Variants in PCED1B observed in about 807,000 individuals in gnomAD.
The protein encoded by PCED1B is PC-esterase domain-containing protein 1B.
For missense variants in PCED1B, 573 were observed against 573.9 expected (o/e 1.00, Z 0.02); for synonymous variants, 251 against 246.1 (o/e 1.02, Z -0.19).
chr12:47,220,085 A>AGAAGAAGAAG (rs1235754736), intron 3 of PCED1B, among the ~76,000 whole-genome samples: 1 of 138,002 alleles, frequency 7.2e-6, no homozygotes, highest in Admixed American at 7.3e-5. Context: ...AAAAAAAAAA[A>AGAAGAAGAAG]AAAAAGAAGA....
intron 1 of PCED1B, among the ~76,000 whole-genome samples, chr12:47,103,014 T>C (rs1156246550): frequency 6.6e-6 from 1 of 152,180 alleles, no homozygotes; most frequent in African/African-American, 2.4e-5. Flanking sequence ...TGCTCTCTTA[T>C]GTCCAAGTAA....
At chr12:47,121,226 G>T (rs770383738) in intron 2 of PCED1B, among the ~76,000 whole-genome samples, 1 of 152,178 alleles carries the variant, frequency 6.6e-6, no homozygotes, top group Non-Finnish European at 1.5e-5. Context: ...AACAATCCCG[G>T]TGATACATTG....
chr12:47,224,750 T>C (rs1425047137), intron 3 of PCED1B, among the ~76,000 whole-genome samples: 1 of 152,194 alleles, frequency 6.6e-6, no homozygotes, highest in Non-Finnish European at 1.5e-5. Flanking sequence ...TGTTGAGGGA[T>C]GTGAGCCAAA....
chr12:47,190,028 G>T (rs1942394493), intron 2 of PCED1B, among the ~76,000 whole-genome samples: 1 of 152,170 alleles, frequency 6.6e-6, no homozygotes, highest in African/African-American at 2.4e-5. Flanking sequence ...ACACCTGCTT[G>T]AAGTGCAGAA....
chr12:47,113,513 C>T (rs555245726), intron 2 of PCED1B, among the ~76,000 whole-genome samples: 1 of 152,292 alleles, frequency 6.6e-6, no homozygotes, highest in Admixed American at 6.5e-5. Flanking sequence ...ACTGATGACG[C>T]TCCTGCTTCA....
intron 2 of PCED1B, among the ~76,000 whole-genome samples, chr12:47,155,330 A>C (rs148498328): frequency 6.6e-6 from 1 of 152,242 alleles, no homozygotes; most frequent in Admixed American, 6.5e-5. Context: ...AGTCACTGCC[A>C]ATTAAATATG....
At chr12:47,108,225 A>T (rs1939043411) in intron 2 of PCED1B, among the ~76,000 whole-genome samples, 1 of 152,198 alleles carries the variant, frequency 6.6e-6, no homozygotes, top group Admixed American at 6.5e-5. Context: ...GAGTGGACTT[A>T]GGATGTGAGC....
chr12:47,122,293 CA>C (rs1358753673), intron 2 of PCED1B, among the ~76,000 whole-genome samples: 1 of 152,024 alleles, frequency 6.6e-6, no homozygotes, highest in African/African-American at 2.4e-5. Flanking sequence ...GCAGATTTAC[CA>C]CTGACATACA....
intron 2 of PCED1B, among the ~76,000 whole-genome samples, chr12:47,200,481 T>C (rs1942730697): frequency 6.6e-6 from 1 of 152,218 alleles, no homozygotes; most frequent in Non-Finnish European, 1.5e-5. Context: ...AGAATTTTCA[T>C]TTGTTGCTGG....
chr12:47,095,314 C>A (rs1938442413), intron 1 of PCED1B, among the ~76,000 whole-genome samples: 1 of 152,036 alleles, frequency 6.6e-6, no homozygotes. Context: ...AACTGTGAAT[C>A]TTATTGTTGC....
At chr12:47,176,452 C>G (rs73108143) in intron 2 of PCED1B, among the ~76,000 whole-genome samples, 2,556 of 152,298 alleles carry the variant, frequency 0.017, 29 homozygotes, top group Non-Finnish European at 0.026. Context: ...CAGACCCATT[C>G]CCCATCCTCT....
At chr12:47,189,515 T>C (rs965991702) in intron 2 of PCED1B, among the ~76,000 whole-genome samples, 1 of 152,204 alleles carries the variant, frequency 6.6e-6, no homozygotes, top group Non-Finnish European at 1.5e-5. Flanking sequence ...ATGAATGACC[T>C]TGGACATACA....
chr12:47,160,103 G>A (rs1180383410), intron 2 of PCED1B, among the ~76,000 whole-genome samples: 1 of 152,028 alleles, frequency 6.6e-6, no homozygotes, highest in Admixed American at 6.6e-5. Context: ...CTGTGTGTCT[G>A]TCTGTATACC....
intron 1 of PCED1B, among the ~76,000 whole-genome samples, chr12:47,099,170 C>G (rs192476012): frequency 2.0e-3 from 304 of 152,320 alleles, no homozygotes; most frequent in African/African-American, 7.0e-3. Context: ...AGTTTGCTGA[C>G]TTTTCCAGTA....
At chr12:47,144,161 G>T (rs1940699625) in intron 2 of PCED1B, among the ~76,000 whole-genome samples, 1 of 152,174 alleles carries the variant, frequency 6.6e-6, no homozygotes. Flanking sequence ...CTTGTAGAGT[G>T]GTGGGTTGAG....
At position 47,228,902 on chromosome 12, in the gene PCED1B, T is replaced by C. The variant is rs1365875848; in HGVS notation, c.-57-6105T>C. ...AAAAAAAAGTTACCTCATGAAGAGG[T>C]AATGTTGGTAAAGCACCTGGGATCT... is the stretch of plus-strand genomic sequence containing the variant. On this transcript the variant is annotated intron_variant, in intron 3 of 3. Coordinates refer to ENST00000546455, the MANE Select transcript of PCED1B (RefSeq NM_138371.3). 2.0e-5 allele frequency among the ~76,000 whole-genome samples: 3 copies of C among 149,380 alleles called. No homozygotes were observed. In the East Asian group the frequency reaches 5.9e-4, roughly 30 times the overall value.
At position 47,227,083 on chromosome 12, in the gene PCED1B, T is replaced by C. The variant is rs576304569; in HGVS notation, c.-57-7924T>C. Among the ~76,000 whole-genome samples the C allele has an allele frequency of 3.3e-5, 5 of 152,340 alleles. No homozygotes were observed. In the South Asian group the frequency reaches 8.3e-4, roughly 25 times the overall value. On this transcript the variant is annotated intron_variant, in intron 3 of 3. Transcript: ENST00000546455. The stretch of plus-strand genomic sequence containing the variant: ...GGGTGTCAGATTTCATTAATCCTGT[T>C]ACAGTTACAGTGCTCCTCTTTATCA...
At chr12:47,209,359 G>A (rs1270124886) in intron 2 of PCED1B, 2 of 152,328 alleles carry the variant, frequency 1.3e-5, no homozygotes, top group Admixed American at 6.5e-5. Flanking sequence ...GGTGGCACAT[G>A]CCTGTAATCC....
intron 2 of PCED1B, among the ~76,000 whole-genome samples, chr12:47,137,170 C>T (rs1399642495): frequency 1.3e-5 from 2 of 152,168 alleles, no homozygotes; most frequent in Admixed American, 6.5e-5. Flanking sequence ...GTACTGATTA[C>T]AAAATCTATT....
Sources: allele counts gnomAD v4.1 joint callset (sites outside exome capture counted in the v4.1 genomes callset), GRCh38; gene constraint gnomAD v4.1.1; transcripts MANE v1.5; gene names NCBI Gene and HGNC (gene_info 2026-07-23, HGNC 2026-07-21).